The following ZNF787 variants were observed in gnomAD, a reference collection of about 807,000 sequenced individuals.
The protein encoded by ZNF787 is zinc finger protein 787, also known as TTF-I-interacting peptide 20.
In ZNF787, 7 loss-of-function variants were observed where a neutral mutation model predicts 16.9. The ratio of observed to expected loss-of-function variants is 0.42; its 90% CI spans 0.24 to 0.78. The LOEUF is 0.78. ZNF787 is among the 30% of genes least tolerant of loss of function. The pLI, the probability that ZNF787 is intolerant of heterozygous loss-of-function variation, is 0.30. For missense variants in ZNF787, 551 were observed against 589.3 expected, an observed-to-expected ratio of 0.94 and a Z score of 0.67; for synonymous variants, 345 against 270.9, an observed-to-expected ratio of 1.27 and a Z score of -2.69.
rs1168452877 is a variant in ZNF787, at chr19:56,088,577, G to A, written c.595C>T (p.Leu199=). 2 of 1,508,078 alleles carry A rather than the reference G, an allele frequency of 1.3e-6. No homozygotes were observed. The highest frequency in any genetic ancestry group is 1.2e-5 in the South Asian group (1 of 81,178). The allele number at this position is 1,508,078 out of a possible 1,614,324, so 93.4% of individuals were successfully genotyped here. Residue 199 remains leucine, a synonymous_variant, in exon 3 of 3, where the codon CTG becomes TTG. Transcript: ENST00000610935. This position sits in a 1 kb window ranked among gnomAD's most constrained non-coding sequence, Gnocchi z 8.6. ...QPKSLARHLR[L]HPELSGPGVA... ...CCAGGCCCCGACAGCTCCGGGTGCA[G>A]CCGCAGGTGACGCGCGAGGCTCTTG...
intron 1 of ZNF787, among the ~76,000 whole-genome samples, chr19:56,119,431 G>A (rs572904913): frequency 6.6e-6 from 1 of 152,340 alleles, no homozygotes; most frequent in East Asian, 1.9e-4. Flanking sequence ...GAAAGGGCCT[G>A]GCTCCAGAGC....
rs1378834439 is a variant in ZNF787 at position 56,089,034 on chromosome 19, G to A, written c.138C>T (p.Ser46=). Reference sequence around the variant, plus strand: ...CGGCTGGGGGCGCAGACTGGGGCGGGGACAGCTTGGTGGGAGGCCAGCTGG... The same window carrying A: ...CGGCTGGGGGCGCAGACTGGGGCGGAGACAGCTTGGTGGGAGGCCAGCTGG... The part of the protein sequence containing the change: ...DVPSWPPTKL[S]PPQSAPPAGP... The change falls in exon 3 of 3, where the codon TCC becomes TCT. Residue 46 remains serine (S), a synonymous_variant. Coordinates refer to ENST00000610935, the MANE Select transcript of ZNF787 (RefSeq NM_001002836.4). The A allele has an allele frequency of 2.7e-6, 4 of 1,472,376 alleles. No homozygotes were observed. The highest frequency in any genetic ancestry group is 3.6e-6 in the Non-Finnish European group (4 of 1,114,814). 91.2% of individuals were successfully genotyped at this position (1,472,376 alleles called of 1,614,324 possible).
intron 1 of ZNF787, among the ~76,000 whole-genome samples, chr19:56,104,808 G>A (rs150518850): frequency 7.2e-5 from 11 of 152,376 alleles, no homozygotes; most frequent in African/African-American, 2.4e-4. Context: ...AGTTGTTGAA[G>A]GGTTCATACC....
chr19:56,112,873 G>A (rs972724698), intron 1 of ZNF787, among the ~76,000 whole-genome samples: 2 of 150,458 alleles, frequency 1.3e-5, no homozygotes, highest in Non-Finnish European at 3.0e-5. Context: ...GCCCAGACCA[G>A]CCGTTCCCCC....
intron 2 of ZNF787, among the ~76,000 whole-genome samples, chr19:56,091,364 T>A (rs534515949): frequency 3.8e-4 from 58 of 152,300 alleles, no homozygotes; most frequent in African/African-American, 1.3e-3. Flanking sequence ...CATGACGACA[T>A]GAATTCTGAA....
Position 56,088,040 on chromosome 19 carries a change from C to G in ZNF787, c.1132G>C (p.Gly378Arg), listed in dbSNP as rs373908375. Residue 378 changes from glycine to arginine, a missense_variant, in exon 3 of 3, where the codon GGT (glycine) becomes CGT (arginine). Physicochemically the swap from Gly to Arg is moderately radical, Grantham distance 125. Transcript: ENST00000610935. This position sits in a 1 kb window ranked among gnomAD's most constrained non-coding sequence, Gnocchi z 8.6. Reference sequence around the variant, plus strand: ...CCCCTCCCCTACCGGCCCTCCCCACCGCGGCACTCGGGGCACCGCCCGCCC... The same window carrying G: ...CCCCTCCCCTACCGGCCCTCCCCACGGCGGCACTCGGGGCACCGCCCGCCC... ...AAGGRCPECR[G>R]GEGR The G allele has an allele frequency of 3.0e-6, 4 of 1,347,052 alleles. No homozygotes were observed. The highest frequency in any genetic ancestry group is 1.7e-5 in the South Asian group (1 of 57,952). 83.4% of individuals were successfully genotyped at this position (1,347,052 alleles called of 1,614,324 possible).
chr19:56,101,389 G>A (rs1986093848), intron 2 of ZNF787, among the ~76,000 whole-genome samples: 1 of 152,284 alleles, frequency 6.6e-6, no homozygotes, highest in Non-Finnish European at 1.5e-5. Flanking sequence ...CAGCTGCCTG[G>A]TGGGGGACAG....
intron 2 of ZNF787, among the ~76,000 whole-genome samples, chr19:56,095,225 T>G (rs966282542): frequency 1.1e-4 from 16 of 152,136 alleles, no homozygotes; most frequent in African/African-American, 3.9e-4. Flanking sequence ...GGAGCTCAGG[T>G]GGTAATGCTC....
At chr19:56,115,548 C>T (rs986043329) in intron 1 of ZNF787, among the ~76,000 whole-genome samples, 8 of 151,910 alleles carry the variant, frequency 5.3e-5, no homozygotes, top group African/African-American at 7.3e-5. Context: ...TCAGTAGAGA[C>T]GGGGATTCAC....
At chr19:56,089,173 G>A in intron 2 of ZNF787, 81 bp from the exon 3 acceptor site, 5 of 1,094,006 alleles carry the variant, frequency 4.6e-6, no homozygotes, top group Non-Finnish European at 6.1e-6. Context: ...GCTGGCCTCG[G>A]GTGCCTCGCT....
At position 56,088,340 on chromosome 19, in the gene ZNF787, T is replaced by C; in HGVS notation, c.832A>G (p.Lys278Glu). The C allele has an allele frequency of 8.2e-7, 1 of 1,214,684 alleles. No individual in the cohort carries two copies. The highest frequency in any genetic ancestry group is 1.0e-6 in the Non-Finnish European group (1 of 972,650). The allele number at this position is 1,214,684 out of a possible 1,614,324, so 75.2% of individuals were successfully genotyped here. Residue 278 changes from lysine to glutamate, a missense_variant, in exon 3 of 3, where the codon AAG becomes GAG. Transcript: ENST00000610935. This position sits in a 1 kb window ranked among gnomAD's most constrained non-coding sequence, Gnocchi z 8.6. ...GPRSRRAPAP[K>E]PYVCLECGKG... ...CCGCACTCCAGACACACGTACGGCT[T>C]GGGGGCCGGGGCGCGCCGCGACCGG...
chr19:56,109,366 A>G (rs748227947), intron 1 of ZNF787, among the ~76,000 whole-genome samples: 51 of 152,188 alleles, frequency 3.4e-4, no homozygotes, highest in Middle Eastern at 6.8e-3. Flanking sequence ...TCTTCCTGCA[A>G]GCAGATGAAA....
chr19:56,087,995 T>TTGGGGGG lies in ZNF787; in HGVS notation c.*27_*28insCCCCCCA. On this transcript the variant is annotated 3_prime_UTR_variant, in exon 3 of 3. Coordinates refer to ENST00000610935, the MANE Select transcript of ZNF787 (RefSeq NM_001002836.4). ...CGCTCCCGCCAAGCCCGAGGGGCCC[T>TTGGGGGG]GCCCGCCCCCCCCCCCGGGCCCCTC... The TTGGGGGG allele has an allele frequency of 9.0e-7, 1 of 1,106,470 alleles. No homozygotes were observed. The highest frequency in any genetic ancestry group is 5.4e-5 in the East Asian group (1 of 18,360). 68.5% of individuals were successfully genotyped at this position (1,106,470 alleles called of 1,614,324 possible).
At chr19:56,108,973 C>T (rs997083440) in intron 1 of ZNF787, among the ~76,000 whole-genome samples, 9 of 152,164 alleles carry the variant, frequency 5.9e-5, no homozygotes, top group East Asian at 1.9e-4. Flanking sequence ...AGTGAGGTTC[C>T]GAATGGGGAA....
chr19:56,092,985 A>G (rs1433581847), intron 2 of ZNF787, among the ~76,000 whole-genome samples: 1 of 150,808 alleles, frequency 6.6e-6, no homozygotes, highest in African/African-American at 2.5e-5. Context: ...GAGATGGCGG[A>G]AGTGGGATAC....
intron 2 of ZNF787, among the ~76,000 whole-genome samples, chr19:56,090,371 G>A (rs367825174): frequency 6.6e-6 from 1 of 152,130 alleles, no homozygotes; most frequent in Non-Finnish European, 1.5e-5. Context: ...AAGCGCATTA[G>A]TAGACTGGGT....
intron 2 of ZNF787, among the ~76,000 whole-genome samples, chr19:56,095,790 C>T (rs1026023074): frequency 3.3e-5 from 5 of 152,222 alleles, no homozygotes; most frequent in Non-Finnish European, 5.9e-5. Flanking sequence ...GACAAAACAG[C>T]TCCTACTTCA....
chr19:56,114,737 C>T (rs886653818), intron 1 of ZNF787, among the ~76,000 whole-genome samples: 1 of 152,148 alleles, frequency 6.6e-6, no homozygotes, highest in African/African-American at 2.4e-5. Flanking sequence ...TGGGACTCTG[C>T]ATCTGCTCCT....
rs1036907795 is a variant in ZNF787, at chr19:56,115,643, G to A, written c.-11+5529C>T. 3.9e-5 allele frequency among the ~76,000 whole-genome samples: 6 copies of A among 152,074 alleles called. No homozygotes were observed. In the East Asian group the frequency reaches 9.7e-4, roughly 25 times the overall value. On this transcript the variant is annotated intron_variant, in intron 1 of 2. Coordinates refer to ENST00000610935, the MANE Select transcript of ZNF787 (RefSeq NM_001002836.4). ...CGCAGCAGCCTCCCAAAGGTTTCCCGCATGCCTCCCACCCGCACCACCCAC... is the reference window on the plus strand; with the variant it reads ...CGCAGCAGCCTCCCAAAGGTTTCCCACATGCCTCCCACCCGCACCACCCAC...
Sources: allele counts gnomAD v4.1 joint callset (sites outside exome capture counted in the v4.1 genomes callset), GRCh38; gene constraint gnomAD v4.1.1; non-coding constraint Gnocchi (gnomAD v3.1); transcripts MANE v1.5; gene names NCBI Gene and HGNC (gene_info 2026-07-23, HGNC 2026-07-21).